FGD3: variants seen among roughly 807,000 people sequenced by gnomAD.
FGD3 encodes the protein FYVE, RhoGEF and PH domain containing 3.
FGD3 carries 45 observed loss-of-function variants against 71.8 expected under a neutral mutation model. That is an observed-to-expected ratio of 0.63 (90% CI 0.49 to 0.80). FGD3 has a LOEUF of 0.80. FGD3 is among the 30% of genes least tolerant of loss of function. The probability of loss-of-function intolerance (pLI) is 0.00; values close to 1 mark genes in which losing one functional copy is unlikely to be tolerated. For synonymous variants in FGD3, 378 were observed against 392.8 expected, an observed-to-expected ratio of 0.96 and a Z score of 0.44; for missense variants, 844 against 951.5, an observed-to-expected ratio of 0.89 and a Z score of 1.49.
rs1455824783 is a variant in FGD3 at position 93,034,197 on chromosome 9, G to A, written c.1786-344G>A. The A allele has an allele frequency of 7.4e-5, 18 of 242,798 alleles. No homozygotes were observed. The South Asian group carries it at 1.2e-3, about 16-fold the overall frequency. The allele number at this position is 242,798 out of a possible 1,614,324, so 15.0% of individuals were successfully genotyped here. The stretch of plus-strand genomic sequence containing the variant: ...ACGCACGTGCATGTATATGGTGTGT[G>A]TAGAACTGACACGCTTGAAGTCCCT... On this transcript the variant is annotated intron_variant, in intron 16 of 17. Transcript: ENST00000375482.
intron 3 of FGD3, among the ~76,000 whole-genome samples, chr9:92,985,948 G>C (rs1422713439): frequency 6.6e-6 from 1 of 152,120 alleles, no homozygotes; most frequent in Non-Finnish European, 1.5e-5. Context: ...CTATTATCTT[G>C]AATAGGGCAT....
intron 14 of FGD3, among the ~76,000 whole-genome samples, chr9:93,028,011 G>A (rs193275955): frequency 3.4e-4 from 51 of 152,074 alleles, no homozygotes; most frequent in African/African-American, 5.5e-4. Flanking sequence ...GAGCCACTGC[G>A]CCTGGGCCTC....
chr9:92,952,596 C>T (rs1305387932), intron 1 of FGD3, among the ~76,000 whole-genome samples: 1 of 152,020 alleles, frequency 6.6e-6, no homozygotes, highest in Non-Finnish European at 1.5e-5. Context: ...CCCTCCAATC[C>T]TAAGGCCCTC....
intron 1 of FGD3, among the ~76,000 whole-genome samples, chr9:92,966,549 G>A (rs1216667981): frequency 6.6e-6 from 1 of 152,238 alleles, no homozygotes; most frequent in African/African-American, 2.4e-5. Flanking sequence ...CCTCCAGGTG[G>A]GGGCACCGCA....
intron 14 of FGD3, among the ~76,000 whole-genome samples, chr9:93,023,795 CTTTTTTTTTTTT>C (rs569058583): frequency 9.3e-6 from 1 of 107,672 alleles, no homozygotes; most frequent in Non-Finnish European, 1.8e-5. Context: ...CCATCAGCAA[CTTTTTTTTTTTT>C]TTTTTTTTTT....
At chr9:93,017,943 C>T (rs558499807) in intron 10 of FGD3, among the ~76,000 whole-genome samples, 193 bp from the exon 11 acceptor site, 43 of 152,306 alleles carry the variant, frequency 2.8e-4, no homozygotes, top group African/African-American at 8.9e-4. Flanking sequence ...GGGAGGCCCG[C>T]TGTCCCTGAT....
chr9:93,005,427 G>A (rs956110987), intron 5 of FGD3, among the ~76,000 whole-genome samples: 2 of 152,140 alleles, frequency 1.3e-5, no homozygotes, highest in African/African-American at 4.8e-5. Flanking sequence ...ACCCAGCCTG[G>A]ACCTTTAAAT....
intron 1 of FGD3, among the ~76,000 whole-genome samples, chr9:92,959,580 A>T (rs1859130877): frequency 1.3e-5 from 2 of 151,808 alleles, no homozygotes; most frequent in South Asian, 4.2e-4. Context: ...AGTGCCACAC[A>T]CCTGTGGTCC....
At chr9:92,959,936 G>A (rs771586094) in intron 1 of FGD3, among the ~76,000 whole-genome samples, 2 of 151,512 alleles carry the variant, frequency 1.3e-5, no homozygotes, top group Admixed American at 6.6e-5. Flanking sequence ...CATTCCTCAT[G>A]TCTGCGTGTT....
chr9:93,012,417 C>T (rs1032726083), intron 8 of FGD3, among the ~76,000 whole-genome samples: 6 of 152,220 alleles, frequency 3.9e-5, no homozygotes, highest in Admixed American at 6.5e-5. Flanking sequence ...CGGCCTGCCC[C>T]GGAAAGTGTC....
At chr9:92,965,228 C>T (rs1274430182) in intron 1 of FGD3, among the ~76,000 whole-genome samples, 1 of 152,224 alleles carries the variant, frequency 6.6e-6, no homozygotes, top group Non-Finnish European at 1.5e-5. Flanking sequence ...TGAGTCGTGC[C>T]AGGCTCACTG....
chr9:93,029,000 T>TTTG (rs1862248205), intron 14 of FGD3, among the ~76,000 whole-genome samples: 1 of 23,940 alleles, frequency 4.2e-5, no homozygotes, highest in Non-Finnish European at 7.0e-5. Context: ...TCACAGTTTT[T>TTTG]TTTTTTTTTT....
chr9:92,973,903 G>A (rs1859626679), intron 1 of FGD3, among the ~76,000 whole-genome samples: 1 of 152,156 alleles, frequency 6.6e-6, no homozygotes, highest in South Asian at 2.1e-4. Flanking sequence ...GGGCCTCCCA[G>A]TTTTGTCTTC....
intron 5 of FGD3, among the ~76,000 whole-genome samples, chr9:93,004,574 C>A (rs1199680494): frequency 6.6e-6 from 1 of 152,218 alleles, no homozygotes; most frequent in Non-Finnish European, 1.5e-5. Flanking sequence ...CTCTGTCCCA[C>A]TGCTGCTTCT....
chr9:92,980,970 C>CA (rs367690417), intron 3 of FGD3, among the ~76,000 whole-genome samples: 8,745 of 116,682 alleles, frequency 0.075, 348 homozygotes, highest in East Asian at 0.19. Flanking sequence ...GACTCCATCT[C>CA]AAAAAAAAAA....
intron 6 of FGD3, among the ~76,000 whole-genome samples, chr9:93,008,311 C>T (rs1033678911): frequency 3.9e-5 from 6 of 152,130 alleles, no homozygotes; most frequent in South Asian, 2.1e-4. Context: ...CTATCTACTC[C>T]GCAGCCCACA....
Position 93,017,624 on chromosome 9 carries a change from T to C in FGD3, c.1276-512T>C, listed in dbSNP as rs1861752138. 2.0e-5 allele frequency among the ~76,000 whole-genome samples: 3 copies of C among 152,076 alleles called. 1 individual carries two copies. Among genetic ancestry groups the C allele is most frequent in the Admixed American group, 2.0e-4 (3 of 15,274 alleles). On this transcript the variant is annotated intron_variant, in intron 10 of 17. Coordinates refer to ENST00000375482, the MANE Select transcript of FGD3 (RefSeq NM_001083536.2). ...CTATGAAGAAGTGACCCCATTTTCA[T>C]TAGTTCTGGGCACACATTGTCCTAT...
intron 3 of FGD3, among the ~76,000 whole-genome samples, chr9:92,983,564 G>A (rs1860078081): frequency 6.6e-6 from 1 of 152,120 alleles, no homozygotes; most frequent in African/African-American, 2.4e-5. Context: ...CATTATTAGT[G>A]ATAACATAGT....
intron 1 of FGD3, among the ~76,000 whole-genome samples, chr9:92,966,069 G>A (rs896760904): frequency 1.3e-5 from 2 of 152,206 alleles, no homozygotes; most frequent in African/African-American, 4.8e-5. Context: ...TGAGCCGGTC[G>A]GGAAGGAAAC....
Sources: gnomAD v4.1 joint callset for allele counts (sites outside exome capture counted in the v4.1 genomes callset) on GRCh38, gnomAD v4.1.1 for gene constraint, MANE v1.5 for transcripts, NCBI Gene and HGNC (gene_info 2026-07-23, HGNC 2026-07-21) for gene names.